Variants in RAB6B observed in about 807,000 individuals in gnomAD.
RAB6B encodes RAB6B, member RAS oncogene family, also known as ras-related protein Rab-6B.
Under a neutral mutation model 31.2 loss-of-function variants are expected in RAB6B, and 7 were observed. The ratio of observed to expected loss-of-function variants is 0.22; its 90% confidence interval spans 0.13 to 0.42. The LOEUF is 0.42. Among genes scored for constraint, RAB6B ranks in the 10% least tolerant of loss-of-function variants. The pLI is 1.00. For missense variants in RAB6B, 149 were observed against 280.6 expected, an observed-to-expected ratio of 0.53 and a Z score of 3.35; for synonymous variants, 105 against 104.9, an observed-to-expected ratio of 1.00 and a Z score of -0.01.
chr3:133,846,304 AG>A (rs1431549266), intron 2 of RAB6B, among the ~76,000 whole-genome samples: 1 of 152,128 alleles, frequency 6.6e-6, no homozygotes, highest in Non-Finnish European at 1.5e-5. Flanking sequence ...AAAATTAGCC[AG>A]GTATCTTGGC....
At chr3:133,866,501 C>T (rs1936238970) in intron 1 of RAB6B, among the ~76,000 whole-genome samples, 1 of 152,212 alleles carries the variant, frequency 6.6e-6, no homozygotes, top group Non-Finnish European at 1.5e-5. Context: ...CAGCTGGTGT[C>T]AGAACAGCCC....
rs569817116 is a variant in RAB6B, at chr3:133,826,448, T to C, written c.*2340A>G. On this transcript the variant is annotated 3_prime_UTR_variant, in exon 8 of 8. Transcript: ENST00000285208. ...CAAGAAAATAAAAATCTACCATACGTTCATTCACTGAGACCCAGTGCAGAT... is the reference window on the plus strand; with the variant it reads ...CAAGAAAATAAAAATCTACCATACGCTCATTCACTGAGACCCAGTGCAGAT... 3.1e-4 allele frequency: 47 copies of C among 152,696 alleles called. No individual in the cohort carries two copies. Among genetic ancestry groups the C allele is most frequent in the African/African-American group, 1.1e-3 (44 of 41,578 alleles). The allele number at this position is 152,696 out of a possible 1,614,324, so 9.5% of individuals were successfully genotyped here.
chr3:133,829,424 G>A (rs1935623862), intron 7 of RAB6B, among the ~76,000 whole-genome samples: 1 of 152,130 alleles, frequency 6.6e-6, no homozygotes, highest in Non-Finnish European at 1.5e-5. Flanking sequence ...GGGGGCTGTG[G>A]GCTAAAGAAG....
At position 133,825,679 on chromosome 3, in the gene RAB6B, A is replaced by G. The variant is rs923559907; in HGVS notation, c.*3109T>C. 2 of 152,160 alleles carry G rather than the reference A, an allele frequency of 1.3e-5. No homozygotes were observed. Among genetic ancestry groups the G allele is most frequent in the African/African-American group, 4.8e-5 (2 of 41,436 alleles). 9.4% of individuals were successfully genotyped at this position (152,160 alleles called of 1,614,324 possible). Reference sequence around the variant, plus strand: ...TGTAAATAGGCTGTTTGCTTTTTCCATCTTACACTCAACTTTCCTGATGCC... The same window carrying G: ...TGTAAATAGGCTGTTTGCTTTTTCCGTCTTACACTCAACTTTCCTGATGCC... On this transcript the variant is annotated 3_prime_UTR_variant, in exon 8 of 8. Transcript: ENST00000285208.
chr3:133,884,648 G>C (rs1257183274), intron 1 of RAB6B, among the ~76,000 whole-genome samples: 1 of 152,204 alleles, frequency 6.6e-6, no homozygotes, highest in Non-Finnish European at 1.5e-5. Context: ...CTGCATAACA[G>C]GGCTAGGGGG....
intron 7 of RAB6B, among the ~76,000 whole-genome samples, chr3:133,833,282 C>G (rs1260226887): frequency 2.0e-5 from 3 of 152,176 alleles, no homozygotes; most frequent in African/African-American, 7.2e-5. Flanking sequence ...AGTTTCTGAG[C>G]CTCAGTTTCC....
chr3:133,834,743 C>A, intron 6 of RAB6B, 102 bp from the exon 7 acceptor site: 1 of 1,098,756 alleles, frequency 9.1e-7, no homozygotes, highest in Non-Finnish European at 1.4e-6. Flanking sequence ...CAACCTGCAG[C>A]TTTACTCTCC....
intron 1 of RAB6B, among the ~76,000 whole-genome samples, chr3:133,881,592 T>C (rs80070669): frequency 1.3e-5 from 2 of 152,162 alleles, no homozygotes; most frequent in African/African-American, 4.8e-5. Flanking sequence ...AATCACGTCA[T>C]GGCAAGAAGG....
At chr3:133,839,679 G>A in intron 4 of RAB6B, 62 bp from the exon 5 acceptor site, 1 of 1,266,844 alleles carries the variant, frequency 7.9e-7, no homozygotes, top group Non-Finnish European at 1.2e-6. Flanking sequence ...GAGATGGGAA[G>A]GGGAGGTGTG....
chr3:133,852,800 C>T (rs1013745694), intron 2 of RAB6B, among the ~76,000 whole-genome samples: 1 of 152,122 alleles, frequency 6.6e-6, no homozygotes, highest in Non-Finnish European at 1.5e-5. Context: ...CTAAACCTGA[C>T]CACTCTCCCT....
At chr3:133,838,124 TG>T in intron 6 of RAB6B, 41 bp downstream of exon 6, 1 of 284,160 alleles carries the variant, frequency 3.5e-6, no homozygotes, top group Non-Finnish European at 5.7e-6. Context: ...GGCTACACCG[TG>T]CCGGGCCCCG....
chr3:133,863,292 A>G (rs1188685352), intron 2 of RAB6B, among the ~76,000 whole-genome samples: 2 of 152,240 alleles, frequency 1.3e-5, no homozygotes, highest in Non-Finnish European at 2.9e-5. Context: ...CAGCAAAGAA[A>G]GAGTAAAAAT....
At chr3:133,869,478 G>A (rs145379363) in intron 1 of RAB6B, among the ~76,000 whole-genome samples, 2 of 152,266 alleles carry the variant, frequency 1.3e-5, no homozygotes, top group African/African-American at 4.8e-5. Flanking sequence ...TCTCGCCCAA[G>A]GGCAGTGGGA....
intron 1 of RAB6B, among the ~76,000 whole-genome samples, chr3:133,889,735 C>T (rs904816117): frequency 3.3e-5 from 5 of 152,066 alleles, no homozygotes; most frequent in African/African-American, 7.2e-5. Context: ...TAAGCCACCA[C>T]GCCCAGCCTT....
intron 2 of RAB6B, among the ~76,000 whole-genome samples, chr3:133,852,262 T>C (rs1935997763): frequency 1.3e-5 from 2 of 152,182 alleles, no homozygotes; most frequent in African/African-American, 4.8e-5. Flanking sequence ...CTAGGCTGCT[T>C]TGTCCACACT....
intron 1 of RAB6B, among the ~76,000 whole-genome samples, chr3:133,892,396 T>C (rs754403153): frequency 6.6e-6 from 1 of 152,136 alleles, no homozygotes; most frequent in Admixed American, 6.5e-5. Context: ...GCTCTTTCAC[T>C]GGCTTGAGGT....
chr3:133,862,114 C>A (rs1306206466), intron 2 of RAB6B, among the ~76,000 whole-genome samples: 3 of 150,310 alleles, frequency 2.0e-5, no homozygotes, highest in Non-Finnish European at 3.0e-5. Flanking sequence ...AAAGGAATTC[C>A]ACCTGCTGCA....
chr3:133,873,542 G>C (rs547847670), intron 1 of RAB6B, among the ~76,000 whole-genome samples: 1 of 152,296 alleles, frequency 6.6e-6, no homozygotes, highest in African/African-American at 2.4e-5. Flanking sequence ...ACAGAGGAGG[G>C]CTCGGCCCCC....
At chr3:133,835,416 ATG>A (rs1374097577) in intron 6 of RAB6B, among the ~76,000 whole-genome samples, 1 of 149,898 alleles carries the variant, frequency 6.7e-6, no homozygotes, top group Non-Finnish European at 1.5e-5. Flanking sequence ...TGTGGGGGGA[ATG>A]TGTGCATAGT....
Sources: allele counts gnomAD v4.1 joint callset (sites outside exome capture counted in the v4.1 genomes callset), GRCh38; gene constraint gnomAD v4.1.1; transcripts MANE v1.5; gene names NCBI Gene and HGNC (gene_info 2026-07-23, HGNC 2026-07-21).